The following MYH13 variants were observed in gnomAD, a reference collection of about 807,000 sequenced individuals.
The protein encoded by MYH13 is myosin-13.
MYH13 carries 177 observed loss-of-function variants against 232.1 expected under a neutral mutation model. The observed-to-expected ratio is 0.76, with a 90% confidence interval of 0.67 to 0.86. The LOEUF is 0.86. Among genes scored for constraint, MYH13 ranks in the 40% least tolerant of loss-of-function variants. The pLI, the probability that MYH13 is intolerant of heterozygous loss-of-function variation, is 0.00. For missense variants in MYH13, 2,246 were observed against 2,405.9 expected (o/e 0.93, Z 1.39); for synonymous variants, 884 against 923.5 (o/e 0.96, Z 0.78).
chr17:10,354,723 G>A lies in MYH13; in HGVS notation c.962C>T (p.Thr321Met). Residue 321 changes from threonine (T) to methionine (M), a missense_variant, in exon 11 of 41, where the codon ACG (threonine) becomes ATG (methionine). By Grantham distance (81) the Thr-to-Met change is moderately conservative (BLOSUM62 -1). Transcript: ENST00000252172. ...DFPFVSQGEV[T>M]VASIDDSEEL... ...TTCACTGTCATCGATACTGGCTACCGTGACCTCTCCTTGGCTCACGAAGGG... is the reference window on the plus strand; with the variant it reads ...TTCACTGTCATCGATACTGGCTACCATGACCTCTCCTTGGCTCACGAAGGG... The A allele has an allele frequency of 3.1e-6, 5 of 1,613,938 alleles. No homozygotes were observed. Among genetic ancestry groups the A allele is most frequent in the Non-Finnish European group, 4.2e-6 (5 of 1,179,878 alleles).
At chr17:10,343,135 T>C (rs9906479) in intron 16 of MYH13, among the ~76,000 whole-genome samples, 115,581 of 148,188 alleles carry the variant, frequency 0.78, 45,581 homozygotes, top group East Asian at 0.88. Flanking sequence ...TACGGGGGTG[T>C]GAAAAATGTT....
chr17:10,318,851 C>A lies in MYH13; in HGVS notation c.3677G>T (p.Ser1226Ile), dbSNP rs1486690591. ...RVKQKLEKEKSELKMEIDDMA... is the reference protein window; with the variant it reads ...RVKQKLEKEKIELKMEIDDMA... Reference sequence around the variant, plus strand: ...GTCGTCAATCTCCATCTTCAGCTCGCTCTTCTCCTTCTCCAGCTTCTGCTT... The same window carrying A: ...GTCGTCAATCTCCATCTTCAGCTCGATCTTCTCCTTCTCCAGCTTCTGCTT... Residue 1226 changes from serine (S) to isoleucine (I), a missense_variant, in exon 27 of 41, where the codon AGC becomes ATC. Coordinates refer to ENST00000252172, the MANE Select transcript of MYH13 (RefSeq NM_003802.3). 6 of 1,614,026 alleles carry A rather than the reference C, an allele frequency of 3.7e-6. No individual in the cohort carries two copies. In the East Asian group the frequency reaches 1.1e-4, roughly 30 times the overall value.
chr17:10,350,077 T>C (rs1005224598), intron 12 of MYH13, among the ~76,000 whole-genome samples: 3 of 152,026 alleles, frequency 2.0e-5, no homozygotes, highest in Non-Finnish European at 2.9e-5. Context: ...GTGAGAGTTA[T>C]GGGGAGGAAG....
chr17:10,303,369 C>T (rs905709907), intron 38 of MYH13, 25 bp downstream of exon 38: 1 of 1,613,074 alleles, frequency 6.2e-7, no homozygotes, highest in African/African-American at 1.3e-5. Context: ...ACAGCATTCA[C>T]TGAGGAGGTT....
intron 20 of MYH13, among the ~76,000 whole-genome samples, chr17:10,331,274 C>T (rs17208457): frequency 0.2 from 30,812 of 152,098 alleles, 3,482 homozygotes; most frequent in East Asian, 0.51. Flanking sequence ...CCATAACATT[C>T]CAGGGAAACT....
At position 10,303,180 on chromosome 17, in the gene MYH13, G is replaced by A. The variant is rs1428045326; in HGVS notation, c.5667+16C>T. Reference sequence around the variant, plus strand: ...CTGTCTGTCTGTGGGCACTGCCGGGGACCTCCTGTGCTTACCGCCTCCTCA... The same window carrying A: ...CTGTCTGTCTGTGGGCACTGCCGGGAACCTCCTGTGCTTACCGCCTCCTCA... On this transcript the variant is annotated intron_variant, in intron 39 of 40. Coordinates refer to ENST00000252172, the MANE Select transcript of MYH13 (RefSeq NM_003802.3). The A allele has an allele frequency of 2.5e-6, 4 of 1,610,490 alleles. No individual in the cohort carries two copies. Among genetic ancestry groups the A allele is most frequent in the East Asian group, 2.2e-5 (1 of 44,880 alleles).
intron 8 of MYH13, among the ~76,000 whole-genome samples, chr17:10,355,722 C>T (rs534474603): frequency 2.6e-5 from 4 of 152,002 alleles, no homozygotes; most frequent in Non-Finnish European, 5.9e-5. Flanking sequence ...CTTGGGACTA[C>T]TCCATTCTTG....
rs1470854182 is a variant in MYH13, at chr17:10,322,627, G to GTTT, written c.2935-920_2935-919insAAA. On this transcript the variant is annotated intron_variant, in intron 23 of 40. Transcript: ENST00000252172. Reference sequence around the variant, plus strand: ...CAATGTTATCATTTACAATGTTACAGTTGTTTTTTTTTTTTTTTTTTTTTG... The same window carrying GTTT: ...CAATGTTATCATTTACAATGTTACAGTTTTTGTTTTTTTTTTTTTTTTTTTTTG... 1.4e-4 allele frequency among the ~76,000 whole-genome samples: 18 copies of GTTT among 130,840 alleles called. 1 individual carries two copies. The highest frequency in any genetic ancestry group is 1.6e-4 in the Non-Finnish European group (10 of 62,250). The allele number at this position is 130,840 out of a possible 152,430, so 85.8% of individuals were successfully genotyped here. A position where few individuals can be genotyped will look rare whatever the true frequency, so the allele number is the denominator to read the frequency against.
In MYH13 at chr17:10,333,931, G is replaced by A. The variant is rs190471774; in HGVS notation, c.2057-740C>T. Among the ~76,000 whole-genome samples the A allele has an allele frequency of 8.4e-4, 127 of 151,916 alleles. 1 individual carries two copies. Among genetic ancestry groups the A allele is most frequent in the Non-Finnish European group, 1.3e-3 (87 of 67,920 alleles). ...CTCAAAAAAAAAAAAAGAAGAGGCC[G>A]TGGGAGGGGACCCAGAAGGGGGTTG... On this transcript the variant is annotated intron_variant, in intron 18 of 40. Transcript: ENST00000252172.
intron 20 of MYH13, 42 bp downstream of exon 20, chr17:10,332,057 C>A (rs775705325): frequency 4.3e-6 from 7 of 1,611,248 alleles, no homozygotes; most frequent in Admixed American, 3.3e-5. Context: ...CAGCCCAGGG[C>A]TGTGGGGTTA....
chr17:10,338,689 G>GTTTTTTTT (rs757791680), intron 18 of MYH13, among the ~76,000 whole-genome samples: 120 of 108,688 alleles, frequency 1.1e-3, no homozygotes, highest in Non-Finnish European at 1.8e-3. Context: ...TTTTATCCTT[G>GTTTTTTTT]TTTTTTTTTT....
chr17:10,356,065 T>A (rs745679405), intron 8 of MYH13, among the ~76,000 whole-genome samples: 1 of 152,158 alleles, frequency 6.6e-6, no homozygotes, highest in African/African-American at 2.4e-5. Context: ...TTTGTGTGTA[T>A]GCACCTGCTT....
chr17:10,308,115 A>C (rs1185699300), intron 35 of MYH13, among the ~76,000 whole-genome samples: 2 of 152,112 alleles, frequency 1.3e-5, no homozygotes, highest in East Asian at 3.9e-4. Context: ...ACCTGAAGTC[A>C]GGAGATCGAG....
intron 27 of MYH13, among the ~76,000 whole-genome samples, chr17:10,316,312 T>G (rs1906710011): frequency 6.6e-6 from 1 of 151,938 alleles, no homozygotes; most frequent in Admixed American, 6.6e-5. Context: ...AATACAGAAA[T>G]TAGCCAGGCG....
Position 10,312,036 on chromosome 17 carries a change from G to T in MYH13, c.4406C>A (p.Ala1469Asp). 6.2e-7 allele frequency: 1 copy of T among 1,613,962 alleles called. No homozygotes were observed. Among genetic ancestry groups the T allele is most frequent in the South Asian group, 1.1e-5 (1 of 91,074 alleles). ...CTCCTTCTGAGCAGCTTCCAACTCA[G>T]CCTGGCTTTCGTCCAGCTTTTGCTT... The part of the protein sequence containing the change: ...EWKQKLDESQ[A>D]ELEAAQKESR... Residue 1469 changes from alanine (A) to aspartate (D), a missense_variant, in exon 32 of 41, where the codon GCT becomes GAT. By Grantham distance (126) the Ala-to-Asp change is moderately radical. Transcript: ENST00000252172.
At chr17:10,314,470 G>T (rs2142225619) in intron 29 of MYH13, among the ~76,000 whole-genome samples, 1 of 151,234 alleles carries the variant, frequency 6.6e-6, no homozygotes, top group South Asian at 2.1e-4. Context: ...GGAAAACTCA[G>T]CTGTTGCTGT....
intron 12 of MYH13, among the ~76,000 whole-genome samples, chr17:10,348,999 C>CTCCCTTCCCT (rs753019012): frequency 1.3e-5 from 2 of 151,538 alleles, no homozygotes; most frequent in Non-Finnish European, 3.0e-5. Flanking sequence ...TTCCTTCCTT[C>CTCCCTTCCCT]TCCCTTCCCT....
intron 35 of MYH13, 100 bp downstream of exon 35, chr17:10,309,134 G>T: frequency 8.0e-7 from 1 of 1,257,386 alleles, no homozygotes; most frequent in Non-Finnish European, 1.1e-6. Context: ...TTCCCACGGC[G>T]TGGGCCCTGA....
Position 10,303,382 on chromosome 17 carries a change from T to G in MYH13, c.5571+12A>C. 1 of 1,613,684 alleles carries G rather than the reference T, an allele frequency of 6.2e-7. No individual in the cohort carries two copies. The highest frequency in any genetic ancestry group is 8.5e-7 in the Non-Finnish European group (1 of 1,179,624). ...ATACAGCATTCACTGAGGAGGTTTT[T>G]GGGACCCCTACCTGGTAAGTCATCT... On this transcript the variant is annotated intron_variant, in intron 38 of 40. Transcript: ENST00000252172.
Sources: gnomAD v4.1 joint callset for allele counts (sites outside exome capture counted in the v4.1 genomes callset) on GRCh38, gnomAD v4.1.1 for gene constraint, MANE v1.5 for transcripts, NCBI Gene and HGNC (gene_info 2026-07-23, HGNC 2026-07-21) for gene names.